The following ANGPT2 variants were observed in gnomAD, a reference collection of about 807,000 sequenced individuals.
ANGPT2 encodes angiopoietin 2.
ANGPT2 carries 28 observed loss-of-function variants against 62.9 expected under a neutral mutation model. That is an observed-to-expected ratio of 0.44 (90% CI 0.33 to 0.61). ANGPT2 has a LOEUF of 0.61. Among genes scored for constraint, ANGPT2 ranks in the 20% least tolerant of loss-of-function variants. ANGPT2 has a pLI of 0.03. For synonymous variants in ANGPT2, 284 were observed against 207.8 expected (o/e 1.37, Z -3.15); for missense variants, 727 against 594.9 (o/e 1.22, Z -2.31).
chr8:6,519,489 T>C (rs755257946), intron 5 of ANGPT2, among the ~76,000 whole-genome samples: 1 of 152,234 alleles, frequency 6.6e-6, no homozygotes, highest in Non-Finnish European at 1.5e-5. Flanking sequence ...GACACCTCTA[T>C]GGCTGATGCA....
intron 1 of ANGPT2, among the ~76,000 whole-genome samples, chr8:6,556,244 A>G (rs1824587352): frequency 6.6e-6 from 1 of 152,192 alleles, no homozygotes; most frequent in Non-Finnish European, 1.5e-5. Context: ...TTACATACAT[A>G]TAGGCATTAA....
intron 1 of ANGPT2, among the ~76,000 whole-genome samples, chr8:6,550,750 G>A (rs1411506401): frequency 1.3e-5 from 2 of 152,186 alleles, no homozygotes; most frequent in African/African-American, 2.4e-5. Flanking sequence ...GCCTGTGTAC[G>A]TTCTGATACC....
intron 4 of ANGPT2, among the ~76,000 whole-genome samples, chr8:6,520,372 C>T (rs552453222): frequency 3.3e-4 from 50 of 152,238 alleles, no homozygotes; most frequent in South Asian, 6.3e-4. Context: ...AAAAGAATGT[C>T]CCTAAACACT....
chr8:6,531,088 G>A (rs775252544), intron 2 of ANGPT2, among the ~76,000 whole-genome samples: 6 of 152,268 alleles, frequency 3.9e-5, no homozygotes, highest in Non-Finnish European at 8.8e-5. Flanking sequence ...GTCAGAAAGC[G>A]GGCTTGGCCG....
intron 1 of ANGPT2, among the ~76,000 whole-genome samples, chr8:6,537,472 GC>G (rs1179957106): frequency 1.3e-5 from 2 of 151,720 alleles, no homozygotes; most frequent in African/African-American, 2.4e-5. Flanking sequence ...AAAGAGTTGC[GC>G]CCCAGACATA....
At chr8:6,525,741 T>C (rs1381158688) in intron 3 of ANGPT2, among the ~76,000 whole-genome samples, 1 of 152,232 alleles carries the variant, frequency 6.6e-6, no homozygotes, top group Non-Finnish European at 1.5e-5. Context: ...CTTTTTTTAT[T>C]ATTTATAGCT....
intron 1 of ANGPT2, among the ~76,000 whole-genome samples, chr8:6,559,736 G>A (rs1034664810): frequency 1.3e-5 from 2 of 152,160 alleles, no homozygotes; most frequent in Non-Finnish European, 2.9e-5. Context: ...TTATTTGTGA[G>A]TTTTTATAAA....
Position 6,502,062 on chromosome 8 carries a change from A to C in ANGPT2, c.*1039T>G, listed in dbSNP as rs1812302941. On this transcript the variant is annotated 3_prime_UTR_variant, in exon 9 of 9. Coordinates refer to ENST00000629816, the MANE Select transcript of ANGPT2 (RefSeq NM_001118887.2). ...ATTTCTTAAATAGAAGGCTTTTCTC[A>C]ACCAGAAATTAAATTGTAGTCTAGT... 1 of 152,070 alleles carries C rather than the reference A, an allele frequency of 6.6e-6. No individual in the cohort carries two copies. Among genetic ancestry groups the C allele is most frequent in the Admixed American group, 6.6e-5 (1 of 15,264 alleles). The allele number at this position is 152,070 out of a possible 1,614,324, so 9.4% of individuals were successfully genotyped here. A position where few individuals can be genotyped will look rare whatever the true frequency, so the allele number is the denominator to read the frequency against.
At chr8:6,512,828 C>T (rs879672316) in intron 7 of ANGPT2, among the ~76,000 whole-genome samples, 2 of 152,180 alleles carry the variant, frequency 1.3e-5, no homozygotes, top group Non-Finnish European at 2.9e-5. Context: ...GGTAAACACC[C>T]AGGGAATGCT....
At chr8:6,559,944 G>A (rs1003892657) in intron 1 of ANGPT2, among the ~76,000 whole-genome samples, 2 of 152,194 alleles carry the variant, frequency 1.3e-5, no homozygotes, top group Non-Finnish European at 2.9e-5. Context: ...AGTTCATTCA[G>A]AAGCCTGACA....
At chr8:6,539,642 A>G (rs367913874) in intron 1 of ANGPT2, among the ~76,000 whole-genome samples, 2 of 152,144 alleles carry the variant, frequency 1.3e-5, no homozygotes, top group Non-Finnish European at 2.9e-5. Context: ...GCTGGAGTGC[A>G]GCGGCGTGAT....
intron 1 of ANGPT2, among the ~76,000 whole-genome samples, chr8:6,550,550 C>A (rs1449308158): frequency 6.6e-6 from 1 of 152,214 alleles, no homozygotes; most frequent in Non-Finnish European, 1.5e-5. Flanking sequence ...ACATTTGTTC[C>A]CACTCGGGGT....
At chr8:6,537,627 C>T (rs1036933916) in intron 1 of ANGPT2, among the ~76,000 whole-genome samples, 1 of 151,662 alleles carries the variant, frequency 6.6e-6, no homozygotes, top group African/African-American at 2.4e-5. Context: ...ACTCCCACAA[C>T]GTTTTGAATG....
chr8:6,521,534 G>C (rs963495), intron 3 of ANGPT2, 124 bp from the exon 4 acceptor site: 42,468 of 715,076 alleles, frequency 0.059, 1,518 homozygotes, highest in African/African-American at 0.12. Flanking sequence ...GTAATATGAT[G>C]TTACCAGAGC....
intron 7 of ANGPT2, 64 bp from the exon 8 acceptor site, chr8:6,509,126 T>C: frequency 6.4e-7 from 1 of 1,570,872 alleles, no homozygotes; most frequent in Middle Eastern, 1.7e-4. Context: ...AGTGGCAAAT[T>C]TTTTGTGATG....
chr8:6,539,595 TC>T lies in ANGPT2; in HGVS notation c.289-7109del, dbSNP rs749774974. Among the ~76,000 whole-genome samples, 166 of 152,296 alleles carry T rather than the reference TC, an allele frequency of 1.1e-3. 1 individual carries two copies. The highest frequency in any genetic ancestry group is 6.8e-3 in the Middle Eastern group (2 of 294). The stretch of plus-strand genomic sequence containing the variant: ...TTTTTCTAGTCATACTTTTTTATTG[TC>T]TTTTTTTTGAGATGGAGTCTCGCTC... On this transcript the variant is annotated intron_variant, in intron 1 of 8. Transcript: ENST00000629816.
At chr8:6,505,448 C>T (rs1299249152) in intron 8 of ANGPT2, among the ~76,000 whole-genome samples, 16 of 70,262 alleles carry the variant, frequency 2.3e-4, no homozygotes, top group African/African-American at 6.1e-4. Flanking sequence ...TCTTTATATA[C>T]ATATAGAATA....
At chr8:6,550,907 A>G (rs1400409712) in intron 1 of ANGPT2, among the ~76,000 whole-genome samples, 1 of 152,206 alleles carries the variant, frequency 6.6e-6, no homozygotes, top group Non-Finnish European at 1.5e-5. Flanking sequence ...TTTCACAATT[A>G]CAGCCCAAGG....
intron 7 of ANGPT2, among the ~76,000 whole-genome samples, chr8:6,510,966 C>A (rs897824609): frequency 6.6e-6 from 1 of 152,202 alleles, no homozygotes; most frequent in Non-Finnish European, 1.5e-5. Flanking sequence ...AAATACTCAT[C>A]TCTGTTGGGA....
Sources: allele counts gnomAD v4.1 joint callset (sites outside exome capture counted in the v4.1 genomes callset), GRCh38; gene constraint gnomAD v4.1.1; transcripts MANE v1.5; gene names NCBI Gene and HGNC (gene_info 2026-07-23, HGNC 2026-07-21).